BMERB1: variants seen among roughly 807,000 people sequenced by gnomAD.
BMERB1 encodes bMERB domain-containing protein 1.
In BMERB1, 12 loss-of-function variants were observed where a neutral mutation model predicts 23.6. The ratio of observed to expected loss-of-function variants is 0.51; its 90% confidence interval spans 0.33 to 0.82. The LOEUF (loss-of-function observed/expected upper bound fraction) is 0.82. Among genes scored for constraint, BMERB1 ranks in the 40% least tolerant of loss-of-function variants. The pLI is 0.03. For missense variants in BMERB1, 247 were observed against 255.4 expected (o/e 0.97, Z 0.22); for synonymous variants, 122 against 96.6 (o/e 1.26, Z -1.54).
intron 2 of BMERB1, among the ~76,000 whole-genome samples, chr16:15,546,721 A>C (rs2029929157): frequency 6.6e-6 from 1 of 152,176 alleles, no homozygotes; most frequent in South Asian, 2.1e-4. Context: ...CTGAAGCCTC[A>C]GTAAATTTAC....
intron 1 of BMERB1, among the ~76,000 whole-genome samples, chr16:15,455,771 A>G (rs1024659250): frequency 2.0e-5 from 3 of 152,106 alleles, no homozygotes; most frequent in African/African-American, 4.8e-5. Flanking sequence ...CATGTTAACT[A>G]TATATTAAGA....
intron 1 of BMERB1, among the ~76,000 whole-genome samples, chr16:15,477,883 G>T (rs1469105711): frequency 6.6e-6 from 1 of 152,144 alleles, no homozygotes; most frequent in East Asian, 1.9e-4. Context: ...TCACCTTTCA[G>T]AATCTCCTTA....
chr16:15,584,195 T>G (rs944249032), intron 5 of BMERB1: 7 of 589,040 alleles, frequency 1.2e-5, no homozygotes, highest in African/African-American at 3.8e-5. Context: ...GAAACTGTCT[T>G]TTCTTTGTTG....
intron 1 of BMERB1, among the ~76,000 whole-genome samples, chr16:15,467,326 A>G (rs1364556697): frequency 3.3e-5 from 5 of 152,144 alleles, no homozygotes; most frequent in Admixed American, 1.3e-4. Context: ...CAAGGGATTC[A>G]GTTTCTTCCC....
chr16:15,556,165 C>T (rs907304781), intron 2 of BMERB1, among the ~76,000 whole-genome samples: 1 of 149,088 alleles, frequency 6.7e-6, no homozygotes, highest in Non-Finnish European at 1.5e-5. Context: ...ACGACAAGAG[C>T]GAAACTCCAT....
At chr16:15,491,248 G>A (rs1473417500) in intron 1 of BMERB1, among the ~76,000 whole-genome samples, 2 of 152,164 alleles carry the variant, frequency 1.3e-5, no homozygotes, top group Admixed American at 1.3e-4. Context: ...ATTAGTAGGC[G>A]TTCGATCCTT....
chr16:15,537,953 G>A (rs755319160), intron 2 of BMERB1, among the ~76,000 whole-genome samples: 1 of 152,158 alleles, frequency 6.6e-6, no homozygotes, highest in Admixed American at 6.5e-5. Flanking sequence ...GCCACCGTGC[G>A]TGGCTGAAAA....
intron 1 of BMERB1, among the ~76,000 whole-genome samples, chr16:15,447,722 C>T (rs148723374): frequency 6.6e-5 from 10 of 152,010 alleles, no homozygotes; most frequent in East Asian, 1.9e-4. Context: ...ATGGAGGTGA[C>T]GATGAGCGTG....
chr16:15,484,839 A>C (rs912185952), intron 1 of BMERB1, among the ~76,000 whole-genome samples: 3 of 152,206 alleles, frequency 2.0e-5, no homozygotes, highest in African/African-American at 4.8e-5. Context: ...CATTTTCATC[A>C]TCCCACAAGG....
At chr16:15,541,366 A>G (rs1337355510) in intron 2 of BMERB1, among the ~76,000 whole-genome samples, 3 of 150,612 alleles carry the variant, frequency 2.0e-5, no homozygotes, top group African/African-American at 7.3e-5. Flanking sequence ...TTCAGTCGCC[A>G]GCCTCCTCCT....
At position 15,505,804 on chromosome 16, in the gene BMERB1, C is replaced by T. The variant is rs138081719; in HGVS notation, c.107-9501C>T. Among the ~76,000 whole-genome samples the T allele has an allele frequency of 5.4e-5, 8 of 149,528 alleles. No individual in the cohort carries two copies. The East Asian group carries it at 6.0e-4, about 11-fold the overall frequency. ...TTGGGAGGCTGAGGCAGGAGAATGG[C>T]GTGAATTCAGGAGGCAGAGCTTGCA... On this transcript the variant is annotated intron_variant, in intron 1 of 5. Coordinates refer to ENST00000300006, the MANE Select transcript of BMERB1 (RefSeq NM_033201.3).
chr16:15,494,723 C>T (rs983212502), intron 1 of BMERB1, among the ~76,000 whole-genome samples: 1 of 152,086 alleles, frequency 6.6e-6, no homozygotes, highest in African/African-American at 2.4e-5. Flanking sequence ...ATTTTAACTG[C>T]TTTTCTTGAG....
intron 2 of BMERB1, among the ~76,000 whole-genome samples, chr16:15,525,640 G>A (rs1013338733): frequency 1.1e-4 from 16 of 151,746 alleles, no homozygotes; most frequent in Non-Finnish European, 2.2e-4. Flanking sequence ...GGGAGGTGGA[G>A]GTTGCAGTGA....
chr16:15,573,557 C>T (rs889801404), intron 3 of BMERB1, among the ~76,000 whole-genome samples: 1 of 152,064 alleles, frequency 6.6e-6, no homozygotes, highest in African/African-American at 2.4e-5. Context: ...AGATGAGCCA[C>T]TTTATCTGGG....
chr16:15,582,066 GT>G (rs1691656009), intron 4 of BMERB1, among the ~76,000 whole-genome samples: 1 of 152,204 alleles, frequency 6.6e-6, no homozygotes, highest in Admixed American at 6.5e-5. Flanking sequence ...TGGACTTCTG[GT>G]TAATGAGAGA....
In BMERB1 at chr16:15,588,080, C is replaced by T. The variant is rs2031198729; in HGVS notation, c.*1251C>T. ...TGTCTTAAAAAAAAAAAAAATTATT[C>T]CTCCAACTAGAGACCACTCTGATGT... On this transcript the variant is annotated 3_prime_UTR_variant, in exon 6 of 6. Coordinates refer to ENST00000300006, the MANE Select transcript of BMERB1 (RefSeq NM_033201.3). The T allele has an allele frequency of 6.6e-6, 1 of 151,810 alleles. No individual in the cohort carries two copies. The highest frequency in any genetic ancestry group is 6.6e-5 in the Admixed American group (1 of 15,260). 9.4% of individuals were successfully genotyped at this position (151,810 alleles called of 1,614,324 possible). A position where few individuals can be genotyped will look rare whatever the true frequency, so the allele number is the denominator to read the frequency against.
chr16:15,519,804 C>A (rs1327764238), intron 2 of BMERB1, among the ~76,000 whole-genome samples: 3 of 152,134 alleles, frequency 2.0e-5, no homozygotes, highest in Non-Finnish European at 2.9e-5. Flanking sequence ...TTAACTTGTC[C>A]TTTCCCCCAA....
chr16:15,488,056 C>T (rs1470833238), intron 1 of BMERB1, among the ~76,000 whole-genome samples: 3 of 152,074 alleles, frequency 2.0e-5, no homozygotes, highest in Non-Finnish European at 4.4e-5. Flanking sequence ...GGGAATGCAG[C>T]CCAATAGGTC....
Position 15,515,335 on chromosome 16 carries a change from C to T in BMERB1, c.137C>T (p.Thr46Ile). 1.2e-6 allele frequency: 2 copies of T among 1,613,798 alleles called. No homozygotes were observed. Among genetic ancestry groups the T allele is most frequent in the African/African-American group, 1.3e-5 (1 of 74,992 alleles). ...CTGGACATCATCTCCATGGCGGAGA[C>T]AACCATGATGCCAGAGGAGATTGAG... is the stretch of plus-strand genomic sequence containing the variant. Reference protein sequence around the residue: ...NQLDIISMAETTMMPEEIELE... With the variant: ...NQLDIISMAEITMMPEEIELE... Residue 46 changes from threonine to isoleucine, a missense_variant, in exon 2 of 6, where the codon ACA becomes ATA. By Grantham distance (89) the Thr-to-Ile change is moderately conservative. Coordinates refer to ENST00000300006, the MANE Select transcript of BMERB1 (RefSeq NM_033201.3).
Sources: gnomAD v4.1 joint callset for allele counts (sites outside exome capture counted in the v4.1 genomes callset) on GRCh38, gnomAD v4.1.1 for gene constraint, MANE v1.5 for transcripts, NCBI Gene and HGNC (gene_info 2026-07-23, HGNC 2026-07-21) for gene names.